The following FARS2 variants were observed in gnomAD, a reference collection of about 807,000 sequenced individuals.
FARS2 encodes phenylalanyl-tRNA synthetase 2, mitochondrial.
FARS2 carries 40 observed loss-of-function variants against 46.4 expected under a neutral mutation model. That is an observed-to-expected ratio of 0.86 (90% CI 0.67 to 1.12). FARS2 has a LOEUF of 1.12. Among genes scored for constraint, FARS2 ranks in the 50% most tolerant of loss-of-function variants. The probability of loss-of-function intolerance (pLI) is 0.00; values close to 1 mark genes in which losing one functional copy is unlikely to be tolerated. For missense variants in FARS2, 513 were observed against 567.9 expected (o/e 0.90, Z 0.98); for synonymous variants, 234 against 214.9 (o/e 1.09, Z -0.78).
Position 5,598,711 on chromosome 6 carries a change from C to T in FARS2, c.1066-14458C>T, listed in dbSNP as rs1336083108. On this transcript the variant is annotated intron_variant, in intron 5 of 6. Transcript: ENST00000274680. ...AGCACTATGGAGGTCAGGAAGAAAT[C>T]GAAAACATGTAGTATCAAAGCATCT... Among the ~76,000 whole-genome samples, 5 of 152,130 alleles carry T rather than the reference C, an allele frequency of 3.3e-5. No homozygotes were observed. In the East Asian group the frequency reaches 9.6e-4, roughly 29 times the overall value.
chr6:5,473,980 A>G (rs1443054923), intron 4 of FARS2, among the ~76,000 whole-genome samples: 17 of 152,176 alleles, frequency 1.1e-4, no homozygotes, highest in Admixed American at 1.1e-3. Flanking sequence ...CTATCCATGA[A>G]TGATTTAGGA....
chr6:5,599,760 G>A (rs993553377), intron 5 of FARS2, among the ~76,000 whole-genome samples: 17 of 152,162 alleles, frequency 1.1e-4, no homozygotes, highest in African/African-American at 4.1e-4. Flanking sequence ...AAAATACCTG[G>A]CCAGATGTTC....
At chr6:5,569,642 G>A (rs1371102492) in intron 5 of FARS2, among the ~76,000 whole-genome samples, 1 of 152,176 alleles carries the variant, frequency 6.6e-6, no homozygotes. Flanking sequence ...CTGGTCTTAG[G>A]TATGGCTGGC....
chr6:5,613,214 T>A lies in FARS2; in HGVS notation c.1111T>A (p.Leu371Met), dbSNP rs1272848297. ...PAVINDISFW[L>M]PSENYAENDF... ...TGTGATCAATGATATTTCATTCTGG[T>A]TGCCCTCTGAGAATTACGCAGAAAA... The change falls in exon 6 of 7, where the codon TTG becomes ATG. Residue 371 changes from leucine to methionine, a missense_variant. Transcript: ENST00000274680. The A allele has an allele frequency of 6.2e-7, 1 of 1,613,314 alleles. No homozygotes were observed. The highest frequency in any genetic ancestry group is 8.5e-7 in the Non-Finnish European group (1 of 1,179,578).
chr6:5,342,655 G>T (rs997310707), intron 1 of FARS2, among the ~76,000 whole-genome samples: 3 of 152,092 alleles, frequency 2.0e-5, no homozygotes, highest in Non-Finnish European at 4.4e-5. Context: ...GGGAGGCTGA[G>T]GCGGGAGAAT....
At chr6:5,424,476 T>A (rs1255458678) in intron 3 of FARS2, among the ~76,000 whole-genome samples, 2 of 152,232 alleles carry the variant, frequency 1.3e-5, no homozygotes, top group African/African-American at 4.8e-5. Flanking sequence ...GGGCGTGCTC[T>A]ATGCATTCAT....
chr6:5,767,634 T>C (rs73364262), intron 6 of FARS2, among the ~76,000 whole-genome samples: 4,090 of 152,304 alleles, frequency 0.027, 187 homozygotes, highest in African/African-American at 0.089. Context: ...GGTAAGTTAC[T>C]TATGGTCTTT....
intron 3 of FARS2, among the ~76,000 whole-genome samples, chr6:5,413,020 G>A (rs1582031694): frequency 6.6e-6 from 1 of 152,172 alleles, no homozygotes; most frequent in East Asian, 1.9e-4. Flanking sequence ...GAGGGACTCA[G>A]TGGAAATAAG....
chr6:5,422,560 G>C (rs554969133), intron 3 of FARS2, among the ~76,000 whole-genome samples: 4 of 152,192 alleles, frequency 2.6e-5, no homozygotes, highest in East Asian at 3.9e-4. Context: ...TCTGATCCTG[G>C]CATTTACTCT....
chr6:5,624,154 G>A (rs1561760372), intron 6 of FARS2, among the ~76,000 whole-genome samples: 2 of 150,212 alleles, frequency 1.3e-5, no homozygotes, highest in Non-Finnish European at 2.9e-5. Flanking sequence ...TCAGACAGCC[G>A]AAAAAGCAAT....
At chr6:5,250,642 G>A in the FARS2 span, among the ~76,000 whole-genome samples, 1 of 152,178 alleles carries the variant, frequency 6.6e-6, no homozygotes, top group African/African-American at 2.4e-5. Context: ...GAGCATTGTT[G>A]AAGAGGTCAG....
chr6:5,702,026 C>T (rs747692209), intron 6 of FARS2, among the ~76,000 whole-genome samples: 2 of 152,144 alleles, frequency 1.3e-5, no homozygotes, highest in Non-Finnish European at 2.9e-5. Context: ...TTTATGTTGG[C>T]TATTTTTTAA....
rs567523759 is a variant in FARS2 at position 5,468,808 on chromosome 6, T to C, written c.904+37636T>C. Among the ~76,000 whole-genome samples, 103 of 152,220 alleles carry C rather than the reference T, an allele frequency of 6.8e-4. 1 individual carries two copies. In the South Asian group the frequency reaches 0.013, roughly 20 times the overall value. ...CAGGAAAATGACAGTGAGATAAGAG[T>C]AGAAAGATGATTTCATTTGTCTTTA... is the stretch of plus-strand genomic sequence containing the variant. On this transcript the variant is annotated intron_variant, in intron 4 of 6. Coordinates refer to ENST00000274680, the MANE Select transcript of FARS2 (RefSeq NM_006567.5).
chr6:5,644,956 G>C (rs1188217576), intron 6 of FARS2, among the ~76,000 whole-genome samples: 1 of 152,212 alleles, frequency 6.6e-6, no homozygotes, highest in Non-Finnish European at 1.5e-5. Flanking sequence ...ACCTAGAAAA[G>C]AGACTGAACA....
intron 4 of FARS2, among the ~76,000 whole-genome samples, chr6:5,493,462 T>C (rs1767258986): frequency 6.6e-6 from 1 of 152,170 alleles, no homozygotes; most frequent in African/African-American, 2.4e-5. Flanking sequence ...AAATGTCTTT[T>C]GATGTGTGGC....
Position 5,771,375 on chromosome 6 carries a change from C to T in FARS2, c.1302C>T (p.His434=). ...CCCAGAGAGAGGTCAGGCACATCCA[C>T]CAGGCCTTGCAGGAGGCTGCAGTCC... ...TLSQREVRHI[H]QALQEAAVQL... Residue 434 remains histidine, a synonymous_variant, in exon 7 of 7, where the codon CAC becomes CAT. Coordinates refer to ENST00000274680, the MANE Select transcript of FARS2 (RefSeq NM_006567.5). The T allele has an allele frequency of 6.2e-7, 1 of 1,614,236 alleles. No homozygotes were observed. Among genetic ancestry groups the T allele is most frequent in the Non-Finnish European group, 8.5e-7 (1 of 1,180,024 alleles).
rs555391925 is a variant in FARS2, at chr6:5,664,379, G to A, written c.1217+51059G>A. The stretch of plus-strand genomic sequence containing the variant: ...CACCGAGGGTCCTGCCAGGGGAGCC[G>A]AGGCCTTTGCCTGTCACCCTGGGAG... On this transcript the variant is annotated intron_variant, in intron 6 of 6. Transcript: ENST00000274680. Among the ~76,000 whole-genome samples the A allele has an allele frequency of 1.3e-4, 20 of 152,168 alleles. No individual in the cohort carries two copies. In the South Asian group the frequency reaches 3.5e-3, roughly 27 times the overall value.
chr6:5,720,893 A>T (rs572588021), intron 6 of FARS2, among the ~76,000 whole-genome samples: 144 of 152,080 alleles, frequency 9.5e-4, no homozygotes, highest in South Asian at 2.7e-3. Flanking sequence ...ACAAAAAAAA[A>T]TTTTTTTTAA....
chr6:5,542,535 A>C (rs777199264), intron 4 of FARS2, among the ~76,000 whole-genome samples: 8 of 152,144 alleles, frequency 5.3e-5, no homozygotes, highest in Non-Finnish European at 1.2e-4. Context: ...CATTCCGTCC[A>C]TTATGGGATC....
Sources: allele counts gnomAD v4.1 joint callset (sites outside exome capture counted in the v4.1 genomes callset), GRCh38; gene constraint gnomAD v4.1.1; transcripts MANE v1.5; gene names NCBI Gene and HGNC (gene_info 2026-07-23, HGNC 2026-07-21).